The following NEGR1 variants were observed in gnomAD, a reference collection of about 807,000 sequenced individuals.
NEGR1 encodes the protein neuronal growth regulator 1, also known as IgLON family member 4.
NEGR1 carries 10 observed loss-of-function variants against 40.9 expected under a neutral mutation model. That is an observed-to-expected ratio of 0.24 (90% confidence interval 0.15 to 0.42). The LOEUF is 0.42. NEGR1 is among the 10% of genes least tolerant of loss of function. NEGR1 has a pLI of 1.00. For synonymous variants in NEGR1, 185 were observed against 166.8 expected, an observed-to-expected ratio of 1.11 and a Z score of -0.84; for missense variants, 352 against 438.9, an observed-to-expected ratio of 0.80 and a Z score of 1.77.
chr1:72,064,405 C>T (rs1647227883), intron 1 of NEGR1, among the ~76,000 whole-genome samples: 2 of 151,968 alleles, frequency 1.3e-5, no homozygotes, highest in South Asian at 4.2e-4. Flanking sequence ...TGTTAGTGCA[C>T]CAATAACTGA....
Position 71,690,409 on chromosome 1 carries a change from T to C in NEGR1, c.667+7599A>G, listed in dbSNP as rs149883059. 2.7e-3 allele frequency among the ~76,000 whole-genome samples: 417 copies of C among 151,984 alleles called. 3 individuals carry two copies. Among genetic ancestry groups the C allele is most frequent in the African/African-American group, 9.7e-3 (403 of 41,488 alleles). On this transcript the variant is annotated intron_variant, in intron 4 of 6. Transcript: ENST00000357731. ...CACGTTATAAACTATATGTTTGTAC[T>C]GACTAAAGTAATGTTTGAAACTTCT...
chr1:71,495,219 C>G (rs749895421), intron 6 of NEGR1, among the ~76,000 whole-genome samples: 2 of 152,090 alleles, frequency 1.3e-5, no homozygotes. Context: ...TGGCTCACGC[C>G]TATAATCCTA....
intron 4 of NEGR1, among the ~76,000 whole-genome samples, chr1:71,669,351 T>C (rs541907118): frequency 7.8e-4 from 119 of 152,194 alleles, no homozygotes; most frequent in African/African-American, 2.8e-3. Flanking sequence ...TTTGGGTATA[T>C]AGCTATCATA....
intron 4 of NEGR1, among the ~76,000 whole-genome samples, chr1:71,636,171 T>C (rs918595239): frequency 1.3e-5 from 2 of 152,088 alleles, no homozygotes; most frequent in African/African-American, 2.4e-5. Flanking sequence ...TAAAAATATA[T>C]TACAATAAGT....
intron 1 of NEGR1, among the ~76,000 whole-genome samples, chr1:71,974,423 T>C (rs1646284623): frequency 6.6e-6 from 1 of 152,194 alleles, no homozygotes; most frequent in African/African-American, 2.4e-5. Context: ...CATTATTAAA[T>C]TTGTTTTTTC....
chr1:71,504,700 C>T lies in NEGR1; in HGVS notation c.940+88117G>A, dbSNP rs577934327. Among the ~76,000 whole-genome samples the T allele has an allele frequency of 6.8e-4, 104 of 152,184 alleles. 2 individuals are homozygous for T. Among genetic ancestry groups the T allele is most frequent in the Middle Eastern group, 6.8e-3 (2 of 294 alleles). On this transcript the variant is annotated intron_variant, in intron 6 of 6. Transcript: ENST00000357731. ...GCTTGCTCCTCTCTAATTCACCAAC[C>T]AAGGGGTACAAAAGTCTCTAAGGAA...
chr1:72,244,791 C>T (rs1012462023), intron 1 of NEGR1, among the ~76,000 whole-genome samples: 3 of 151,880 alleles, frequency 2.0e-5, no homozygotes, highest in Non-Finnish European at 2.9e-5. Flanking sequence ...TTTAATATAT[C>T]GAATTGTTCA....
At chr1:72,254,985 A>T (rs1655219173) in intron 1 of NEGR1, among the ~76,000 whole-genome samples, 1 of 152,080 alleles carries the variant, frequency 6.6e-6, no homozygotes, top group South Asian at 2.1e-4. Flanking sequence ...TCTACATTTC[A>T]ATATATTTGT....
chr1:71,448,360 A>G (rs1646598047), intron 6 of NEGR1, among the ~76,000 whole-genome samples: 2 of 152,078 alleles, frequency 1.3e-5, no homozygotes, highest in African/African-American at 4.8e-5. Context: ...GCACTTTGGG[A>G]GACTGAGGTG....
chr1:71,544,949 A>G (rs1405799934), intron 6 of NEGR1, among the ~76,000 whole-genome samples: 1 of 151,698 alleles, frequency 6.6e-6, no homozygotes, highest in Non-Finnish European at 1.5e-5. Context: ...TGAGATGAGT[A>G]TTCAGGTTTC....
rs1180603642 is a variant in NEGR1 at position 71,398,644 on chromosome 1, G to T, written c.*8802C>A. The T allele has an allele frequency of 6.6e-6, 1 of 152,170 alleles. No individual in the cohort carries two copies. Among genetic ancestry groups the T allele is most frequent in the Non-Finnish European group, 1.5e-5 (1 of 68,044 alleles). The allele number at this position is 152,170 out of a possible 1,614,324, so 9.4% of individuals were successfully genotyped here. ...ATGAGACTTTAGACTGTGGACTTTT[G>T]AGATAGTGCTGAAATGAGTTAAGAC... On this transcript the variant is annotated 3_prime_UTR_variant, in exon 7 of 7. Coordinates refer to ENST00000357731, the MANE Select transcript of NEGR1 (RefSeq NM_173808.3).
intron 6 of NEGR1, among the ~76,000 whole-genome samples, chr1:71,564,896 T>C (rs1648568553): frequency 6.6e-6 from 1 of 152,132 alleles, no homozygotes; most frequent in African/African-American, 2.4e-5. Context: ...TGCAGAGACA[T>C]GGTTAAAACT....
At chr1:71,783,566 A>C (rs1656795941) in intron 2 of NEGR1, among the ~76,000 whole-genome samples, 1 of 152,150 alleles carries the variant, frequency 6.6e-6, no homozygotes, top group South Asian at 2.1e-4. Flanking sequence ...GGAAAAAGAT[A>C]CCAAGCATGA....
intron 6 of NEGR1, among the ~76,000 whole-genome samples, chr1:71,578,988 G>A (rs1260186776): frequency 2.6e-5 from 4 of 152,104 alleles, no homozygotes; most frequent in African/African-American, 4.8e-5. Flanking sequence ...CTTAGTAACT[G>A]GGATAATTTC....
At chr1:71,901,343 T>C (rs1467953600) in intron 2 of NEGR1, among the ~76,000 whole-genome samples, 2 of 152,172 alleles carry the variant, frequency 1.3e-5, no homozygotes, top group South Asian at 2.1e-4. Context: ...ATTCGTACAA[T>C]TATTACTATC....
At chr1:72,161,721 C>G (rs544498928) in intron 1 of NEGR1, among the ~76,000 whole-genome samples, 17 of 137,966 alleles carry the variant, frequency 1.2e-4, no homozygotes, top group Non-Finnish European at 2.4e-4. Flanking sequence ...GCTCTGTCAC[C>G]CAGGCTGGTG....
rs565579662 is a variant in NEGR1, at chr1:71,544,654, C to A, written c.940+48163G>T. On this transcript the variant is annotated intron_variant, in intron 6 of 6. Transcript: ENST00000357731. ...ATGTAACTTCAACAGATTATATACA[C>A]TTTAAGTATTAGACAGTACAATTAT... Among the ~76,000 whole-genome samples the A allele has an allele frequency of 5.5e-4, 83 of 151,792 alleles. No individual in the cohort carries two copies. The Middle Eastern group carries it at 0.01, about 19-fold the overall frequency.
chr1:72,265,733 C>T (rs1655616251), intron 1 of NEGR1, among the ~76,000 whole-genome samples: 1 of 150,824 alleles, frequency 6.6e-6, no homozygotes, highest in Non-Finnish European at 1.5e-5. Flanking sequence ...AATGAGCTTC[C>T]TATTTTTATA....
chr1:71,630,887 CAT>C (rs1161913601), intron 4 of NEGR1, among the ~76,000 whole-genome samples: 2 of 151,838 alleles, frequency 1.3e-5, no homozygotes, highest in African/African-American at 4.8e-5. Flanking sequence ...GACTTTCATG[CAT>C]ATTAGTTATG....
Sources: allele counts gnomAD v4.1 joint callset (sites outside exome capture counted in the v4.1 genomes callset), GRCh38; gene constraint gnomAD v4.1.1; transcripts MANE v1.5; gene names NCBI Gene and HGNC (gene_info 2026-07-23, HGNC 2026-07-21).